CCSER1: variants seen among roughly 807,000 people sequenced by gnomAD.
CCSER1 encodes the protein coiled-coil serine rich protein 1.
A neutral mutation model predicts 82.0 loss-of-function variants in CCSER1; 41 were observed. The ratio of observed to expected loss-of-function variants is 0.50; its 90% CI spans 0.39 to 0.65. The LOEUF is 0.65. Among genes scored for constraint, CCSER1 ranks in the 30% least tolerant of loss-of-function variants. CCSER1 has a pLI of 0.00. For missense variants in CCSER1, 1,119 were observed against 1,064.2 expected (o/e 1.05, Z -0.72); for synonymous variants, 414 against 383.9 (o/e 1.08, Z -0.92).
At chr4:91,126,010 C>T (rs563656074) in intron 10 of CCSER1, among the ~76,000 whole-genome samples, 12 of 151,450 alleles carry the variant, frequency 7.9e-5, no homozygotes, top group Non-Finnish European at 1.5e-4. Flanking sequence ...TTCCAATATA[C>T]GGACTCTTGA....
At chr4:90,506,330 T>C (rs1770678488) in intron 5 of CCSER1, among the ~76,000 whole-genome samples, 2 of 152,364 alleles carry the variant, frequency 1.3e-5, no homozygotes. Flanking sequence ...AGCAAAATTC[T>C]AGTAAAGAAC....
intron 3 of CCSER1, among the ~76,000 whole-genome samples, chr4:90,327,623 G>A (rs1039650543): frequency 6.6e-6 from 1 of 152,024 alleles, no homozygotes; most frequent in Admixed American, 6.6e-5. Flanking sequence ...ATGTACTTTA[G>A]CCATTATAAT....
At chr4:90,269,515 A>G (rs369767398) in intron 1 of CCSER1, among the ~76,000 whole-genome samples, 11 of 152,182 alleles carry the variant, frequency 7.2e-5, no homozygotes, top group African/African-American at 1.7e-4. Context: ...ACCAAAATCT[A>G]TAGGCTACAG....
At chr4:90,864,726 G>A (rs959941316) in intron 8 of CCSER1, among the ~76,000 whole-genome samples, 1 of 152,054 alleles carries the variant, frequency 6.6e-6, no homozygotes, top group Non-Finnish European at 1.5e-5. Flanking sequence ...TATGGGAAGA[G>A]TGGTTATTTC....
intron 7 of CCSER1, among the ~76,000 whole-genome samples, chr4:90,753,434 C>G (rs975747598): frequency 1.3e-5 from 2 of 151,826 alleles, no homozygotes; most frequent in Admixed American, 6.6e-5. Flanking sequence ...GTTGCTCAAG[C>G]CAAAAATAAG....
intron 6 of CCSER1, among the ~76,000 whole-genome samples, chr4:90,636,176 T>G (rs1195409838): frequency 2.0e-5 from 3 of 151,850 alleles, no homozygotes; most frequent in African/African-American, 7.2e-5. Context: ...CAAAGAACAT[T>G]ATGGCAAAAA....
At chr4:90,825,749 G>A (rs1198686314) in intron 8 of CCSER1, among the ~76,000 whole-genome samples, 2 of 56,146 alleles carry the variant, frequency 3.6e-5, no homozygotes, top group African/African-American at 6.6e-5. Context: ...TTTTTTTTTT[G>A]AGATGGAGTC....
At chr4:91,115,341 T>A (rs1726458689) in intron 10 of CCSER1, among the ~76,000 whole-genome samples, 1 of 152,158 alleles carries the variant, frequency 6.6e-6, no homozygotes, top group Non-Finnish European at 1.5e-5. Flanking sequence ...TTTTTTTTCT[T>A]TTTGAGATGG....
intron 1 of CCSER1, among the ~76,000 whole-genome samples, chr4:90,287,777 A>G (rs1419358219): frequency 6.6e-6 from 1 of 151,976 alleles, no homozygotes; most frequent in African/African-American, 2.4e-5. Flanking sequence ...TTAAATATGA[A>G]AAAGAAATTA....
At chr4:90,748,038 C>CTTCT (rs529245122) in intron 7 of CCSER1, among the ~76,000 whole-genome samples, 9 of 141,410 alleles carry the variant, frequency 6.4e-5, no homozygotes, top group African/African-American at 2.4e-4. Flanking sequence ...ACATTTTCTT[C>CTTCT]TTTTTTTTTT....
chr4:90,195,038 T>A (rs1488909880), intron 1 of CCSER1, among the ~76,000 whole-genome samples: 1 of 152,088 alleles, frequency 6.6e-6, no homozygotes, highest in Non-Finnish European at 1.5e-5. Flanking sequence ...TAATGAATTA[T>A]CTCAAATCAA....
At chr4:91,462,020 G>C (rs1756529746) in intron 10 of CCSER1, among the ~76,000 whole-genome samples, 1 of 152,080 alleles carries the variant, frequency 6.6e-6, no homozygotes, top group Non-Finnish European at 1.5e-5. Flanking sequence ...GGGACCTATT[G>C]CTGCTCACTC....
rs990047020 is a variant in CCSER1, at chr4:90,249,547, A to G, written c.-41-58697A>G. Among the ~76,000 whole-genome samples, 4 of 152,154 alleles carry G rather than the reference A, an allele frequency of 2.6e-5. No individual in the cohort carries two copies. The East Asian group carries it at 7.7e-4, about 29-fold the overall frequency. On this transcript the variant is annotated intron_variant, in intron 1 of 10. Coordinates refer to ENST00000509176, the MANE Select transcript of CCSER1 (RefSeq NM_001145065.2). ...AACTACTAATATATTTTCTGTCTCT[A>G]TAGATTTACTTATTCTGAACACTTC... is the stretch of plus-strand genomic sequence containing the variant.
intron 10 of CCSER1, among the ~76,000 whole-genome samples, chr4:91,109,849 A>T (rs1725943707): frequency 6.6e-6 from 1 of 152,302 alleles, no homozygotes; most frequent in Non-Finnish European, 1.5e-5. Context: ...ACAAAGGGTC[A>T]TAAAATAATT....
chr4:91,105,506 C>A (rs1392624207), intron 10 of CCSER1, among the ~76,000 whole-genome samples: 2 of 151,834 alleles, frequency 1.3e-5, no homozygotes, highest in Admixed American at 6.6e-5. Flanking sequence ...GAGTTTGAGA[C>A]CAGCCTAGCC....
intron 10 of CCSER1, among the ~76,000 whole-genome samples, chr4:91,336,223 T>G (rs2149282043): frequency 6.6e-6 from 1 of 152,268 alleles, no homozygotes; most frequent in African/African-American, 2.4e-5. Context: ...GTTATATATC[T>G]GTGTTGTTTC....
At chr4:90,439,571 A>G (rs1473315266) in intron 4 of CCSER1, among the ~76,000 whole-genome samples, 2 of 152,122 alleles carry the variant, frequency 1.3e-5, no homozygotes, top group African/African-American at 4.8e-5. Context: ...GGCTTTTCCA[A>G]ATTGTCCCCT....
At chr4:91,290,125 T>G (rs1435296097) in intron 10 of CCSER1, among the ~76,000 whole-genome samples, 2 of 151,968 alleles carry the variant, frequency 1.3e-5, no homozygotes, top group Admixed American at 6.6e-5. Flanking sequence ...AGTCAGTAAC[T>G]ATATCATCCA....
intron 10 of CCSER1, among the ~76,000 whole-genome samples, chr4:91,417,456 G>C (rs1753434567): frequency 6.6e-6 from 1 of 152,092 alleles, no homozygotes; most frequent in African/African-American, 2.4e-5. Flanking sequence ...GTTCATCAAT[G>C]ATAGACTGGA....
Sources: allele counts gnomAD v4.1 joint callset (sites outside exome capture counted in the v4.1 genomes callset), GRCh38; gene constraint gnomAD v4.1.1; transcripts MANE v1.5; gene names NCBI Gene and HGNC (gene_info 2026-07-23, HGNC 2026-07-21).